PCDHGA3: variants seen among roughly 807,000 people sequenced by gnomAD.
PCDHGA3 encodes protocadherin gamma subfamily A, 3, also known as protocadherin gamma-A3.
A neutral mutation model predicts 58.5 loss-of-function variants in PCDHGA3; 40 were observed. That is an observed-to-expected ratio of 0.68 (90% confidence interval 0.53 to 0.89). The LOEUF (loss-of-function observed/expected upper bound fraction) is 0.89, where lower values mean the gene tolerates loss of function less well. Ranked by LOEUF, PCDHGA3 falls within the 40% of genes least tolerant of loss-of-function variation. The pLI is 0.00. For synonymous variants in PCDHGA3, 530 were observed against 525.7 expected (o/e 1.01, Z -0.11); for missense variants, 1,223 against 1,195.9 (o/e 1.02, Z -0.33).
intron 1 of PCDHGA3, chr5:141,361,215 G>A: frequency 1.2e-6 from 2 of 1,613,962 alleles, no homozygotes; most frequent in Non-Finnish European, 1.7e-6. Flanking sequence ...CGGAGGATTC[G>A]CCACCAGGAA....
rs1048081343 is a variant in PCDHGA3 at position 141,432,618 on chromosome 5, G to C, written c.2425-62189G>C. 6.2e-7 allele frequency: 1 copy of C among 1,612,806 alleles called. No individual in the cohort carries two copies. Among genetic ancestry groups the C allele is most frequent in the South Asian group, 1.1e-5 (1 of 90,950 alleles). ...AGCGAGCCGGGACTCTTCTCGGTGG[G>C]TCTGCACACGGGCGAGGTGCGCACG... On this transcript the variant is annotated intron_variant, in intron 1 of 3. Transcript: ENST00000253812. The surrounding 1 kb of genome is among the most constrained non-coding windows in gnomAD (Gnocchi z 6.0).
At chr5:141,422,865 C>A in intron 1 of PCDHGA3, 6 of 1,614,244 alleles carry the variant, frequency 3.7e-6, no homozygotes, top group Non-Finnish European at 5.1e-6. Flanking sequence ...TCAGCAGCAA[C>A]GTGTCGCTGA....
chr5:141,409,102 G>T, intron 1 of PCDHGA3: 2 of 1,613,996 alleles, frequency 1.2e-6, no homozygotes, highest in Non-Finnish European at 8.5e-7. Flanking sequence ...AAACAGGTAT[G>T]ATTAAGAATA....
At chr5:141,383,385 G>A in intron 1 of PCDHGA3, 2 of 1,613,962 alleles carry the variant, frequency 1.2e-6, no homozygotes, top group South Asian at 2.2e-5. Flanking sequence ...ATCCAGATGT[G>A]GGCACGAACT....
chr5:141,343,879 G>A lies in PCDHGA3; in HGVS notation c.-155G>A, dbSNP rs943509618. 3.2e-6 allele frequency: 2 copies of A among 624,420 alleles called. No individual in the cohort carries two copies. The highest frequency in any genetic ancestry group is 3.7e-5 in the African/African-American group (2 of 53,600). The allele number at this position is 624,420 out of a possible 1,614,324, so 38.7% of individuals were successfully genotyped here. A position where few individuals can be genotyped will look rare whatever the true frequency, so the allele number is the denominator to read the frequency against. On this transcript the variant is annotated 5_prime_UTR_variant, in exon 1 of 4. Transcript: ENST00000253812. ...AAGAACCAGCAAATCAGACTCAGAA[G>A]ATCCGGGGCGGCTGCCAACCTCACC...
At chr5:141,371,899 C>T in intron 1 of PCDHGA3, 1 of 1,613,414 alleles carries the variant, frequency 6.2e-7, no homozygotes, top group Non-Finnish European at 8.5e-7. Flanking sequence ...CGGGAGCTGT[C>T]GTCCTACGTG....
intron 3 of PCDHGA3, among the ~76,000 whole-genome samples, chr5:141,506,866 T>C (rs1182560001): frequency 2.6e-5 from 4 of 152,104 alleles, no homozygotes; most frequent in Admixed American, 2.6e-4. Context: ...GACTGGTGGG[T>C]AGAGAACCAG....
At chr5:141,507,833 G>C (rs1184502436) in intron 3 of PCDHGA3, among the ~76,000 whole-genome samples, 2 of 152,172 alleles carry the variant, frequency 1.3e-5, no homozygotes, top group East Asian at 3.9e-4. Flanking sequence ...GGAGGTGGTG[G>C]GTCAGGCCCT....
rs1426255577 is a variant in PCDHGA3, at chr5:141,512,797, TG to T, written c.*1625del. 6.6e-6 allele frequency: 1 copy of T among 152,300 alleles called. No homozygotes were observed. Among genetic ancestry groups the T allele is most frequent in the African/African-American group, 2.4e-5 (1 of 41,444 alleles). The allele number at this position is 152,300 out of a possible 1,614,324, so 9.4% of individuals were successfully genotyped here. On this transcript the variant is annotated 3_prime_UTR_variant, in exon 4 of 4. Transcript: ENST00000253812. ...GCGGCCCGTGTTGTGTTTTGTGCTGTGTCCACGCGCTAAGGCGACCCCCTCC... is the reference window on the plus strand; with the variant it reads ...GCGGCCCGTGTTGTGTTTTGTGCTGTTCCACGCGCTAAGGCGACCCCCTCC...
chr5:141,419,275 G>T (rs777238100), intron 1 of PCDHGA3: 35 of 1,613,856 alleles, frequency 2.2e-5, no homozygotes, highest in Non-Finnish European at 2.9e-5. Flanking sequence ...CCTCCATAGC[G>T]CAAGTCAGTG....
chr5:141,395,131 C>A, intron 1 of PCDHGA3: 12 of 1,614,202 alleles, frequency 7.4e-6, no homozygotes, highest in Non-Finnish European at 1.0e-5. Context: ...TTTCCCCAGC[C>A]CAACTACGCA....
At chr5:141,407,943 T>C (rs575027782) in intron 1 of PCDHGA3, 7 of 537,790 alleles carry the variant, frequency 1.3e-5, no homozygotes, top group African/African-American at 7.6e-5. Flanking sequence ...TGGGCGCCGC[T>C]GTCGGCCAGT....
intron 1 of PCDHGA3, among the ~76,000 whole-genome samples, chr5:141,448,855 G>A (rs2098611434): frequency 6.6e-6 from 1 of 152,172 alleles, no homozygotes. Context: ...TGAGGCAGGA[G>A]AATGGCGTGA....
rs556656447 is a variant in PCDHGA3 at position 141,500,319 on chromosome 5, C to CT, written c.2484-5073dup. Among the ~76,000 whole-genome samples the CT allele has an allele frequency of 2.6e-5, 4 of 152,122 alleles. No homozygotes were observed. The South Asian group carries it at 8.3e-4, about 32-fold the overall frequency. Reference sequence around the variant, plus strand: ...CGCCTCCCAGGTTCACGCCATGCTCCTGCCTCAGCCTCCAGAATAGCTGGG... The same window carrying CT: ...CGCCTCCCAGGTTCACGCCATGCTCCTTGCCTCAGCCTCCAGAATAGCTGGG... On this transcript the variant is annotated intron_variant, in intron 2 of 3. Coordinates refer to ENST00000253812, the MANE Select transcript of PCDHGA3 (RefSeq NM_018916.4).
chr5:141,344,518 T>C lies in PCDHGA3; in HGVS notation c.485T>C (p.Val162Ala). Reference sequence around the variant, plus strand: ...ATTAAAACTGCTTTTGACCCAGATGTAGGCATTAACTCCCTGCAGAACTAC... The same window carrying C: ...ATTAAAACTGCTTTTGACCCAGATGCAGGCATTAACTCCCTGCAGAACTAC... ...FPIKTAFDPD[V>A]GINSLQNYKL... Residue 162 changes from valine to alanine, a missense_variant, in exon 1 of 4, where the codon GTA (valine) becomes GCA (alanine). Val to Ala is a moderately conservative substitution (Grantham distance 64). Around this residue, in one of 3 missense-constraint regions of PCDHGA3, gnomAD observed 791 missense variants for 708.5 expected, o/e 1.12. Transcript: ENST00000253812. 1 of 1,614,042 alleles carries C rather than the reference T, an allele frequency of 6.2e-7. No individual in the cohort carries two copies. Among genetic ancestry groups the C allele is most frequent in the Non-Finnish European group, 8.5e-7 (1 of 1,179,910 alleles).
At chr5:141,381,078 T>C (rs1776973656) in intron 1 of PCDHGA3, among the ~76,000 whole-genome samples, 1 of 152,250 alleles carries the variant, frequency 6.6e-6, no homozygotes, top group African/African-American at 2.4e-5. Flanking sequence ...ATGGATTATT[T>C]TGATAGATCA....
intron 1 of PCDHGA3, among the ~76,000 whole-genome samples, chr5:141,482,944 G>A (rs1362136222): frequency 6.6e-6 from 1 of 152,094 alleles, no homozygotes; most frequent in Non-Finnish European, 1.5e-5. Context: ...GTGGTTGTGG[G>A]TGCCTGTAAT....
intron 1 of PCDHGA3, chr5:141,365,106 C>G: frequency 1.2e-6 from 2 of 1,613,862 alleles, no homozygotes; most frequent in Non-Finnish European, 1.7e-6. Flanking sequence ...CCTGTGGGCA[C>G]TCGGCTGCTC....
At position 141,485,275 on chromosome 5, in the gene PCDHGA3, G is replaced by A. The variant is rs77402299; in HGVS notation, c.2425-9532G>A. The A allele has an allele frequency of 8.7e-6, 14 of 1,613,954 alleles. No homozygotes were observed. In the African/African-American group the frequency reaches 1.1e-4, roughly 12 times the overall value. ...ACGTTTGTGGGCAGATCCGCTACCC[G>A]GTCCCAGAGGAGTCACAGGAAGGGA... On this transcript the variant is annotated intron_variant, in intron 1 of 3. Transcript: ENST00000253812. The surrounding 1 kb of genome is among the most constrained non-coding windows in gnomAD (Gnocchi z 5.7).
Sources: allele counts gnomAD v4.1 joint callset (sites outside exome capture counted in the v4.1 genomes callset), GRCh38; gene constraint gnomAD v4.1.1; regional missense constraint gnomAD v4.1.1; non-coding constraint Gnocchi (gnomAD v3.1); transcripts MANE v1.5; gene names NCBI Gene and HGNC (gene_info 2026-07-23, HGNC 2026-07-21).